Variants in EPHB1 observed in about 807,000 individuals in gnomAD.
The protein encoded by EPHB1 is EPH receptor B1.
A neutral mutation model predicts 94.4 loss-of-function variants in EPHB1; 30 were observed. The observed-to-expected ratio is 0.32, with a 90% CI of 0.24 to 0.43. EPHB1 has a LOEUF of 0.43. Among genes scored for constraint, EPHB1 ranks in the 20% least tolerant of loss-of-function variants. EPHB1 has a pLI of 1.00. For missense variants in EPHB1, 1,055 were observed against 1,308.3 expected (o/e 0.81, Z 2.99); for synonymous variants, 522 against 489.1 (o/e 1.07, Z -0.89).
intron 1 of EPHB1, among the ~76,000 whole-genome samples, chr3:134,916,345 C>A (rs1229997704): frequency 1.3e-5 from 2 of 152,258 alleles, no homozygotes; most frequent in African/African-American, 4.8e-5. Context: ...CAGTCCCGCG[C>A]TGTGTGCCTG....
intron 12 of EPHB1, among the ~76,000 whole-genome samples, chr3:135,226,168 A>G (rs910555885): frequency 1.3e-5 from 2 of 152,192 alleles, no homozygotes; most frequent in Admixed American, 1.3e-4. Flanking sequence ...AGCTTGGCCC[A>G]TGGTCCAGCC....
At chr3:134,850,776 G>A (rs139098854) in intron 1 of EPHB1, among the ~76,000 whole-genome samples, 4 of 152,356 alleles carry the variant, frequency 2.6e-5, no homozygotes, top group East Asian at 1.9e-4. Flanking sequence ...GTCATTACCC[G>A]CTTCACTCTC....
chr3:134,910,448 TGAG>T (rs905956517), intron 1 of EPHB1, among the ~76,000 whole-genome samples: 2 of 152,088 alleles, frequency 1.3e-5, no homozygotes, highest in African/African-American at 4.8e-5. Context: ...GTGAGGCTGG[TGAG>T]GAGGATATTT....
chr3:134,901,900 A>G (rs1432306565), intron 1 of EPHB1, among the ~76,000 whole-genome samples: 1 of 152,228 alleles, frequency 6.6e-6, no homozygotes, highest in Non-Finnish European at 1.5e-5. Flanking sequence ...GGATGTTAAA[A>G]GAGTGGATGT....
chr3:135,099,417 A>G (rs1938947059), intron 3 of EPHB1, among the ~76,000 whole-genome samples: 1 of 152,216 alleles, frequency 6.6e-6, no homozygotes, highest in Admixed American at 6.5e-5. Flanking sequence ...CAGTTTTCTC[A>G]ACACATTGCC....
intron 3 of EPHB1, among the ~76,000 whole-genome samples, chr3:135,088,447 G>T (rs1396137596): frequency 6.6e-6 from 1 of 152,216 alleles, no homozygotes. Context: ...ACATAAAAAT[G>T]AAAGATAATT....
intron 11 of EPHB1, among the ~76,000 whole-genome samples, chr3:135,198,455 T>G (rs546670053): frequency 1.3e-5 from 2 of 152,358 alleles, no homozygotes; most frequent in East Asian, 1.9e-4. Flanking sequence ...CATTTGTGAC[T>G]AATTGAGCCA....
In EPHB1 at chr3:135,077,886, G is replaced by C. The variant is rs1157218864; in HGVS notation, c.806-28562G>C. Among the ~76,000 whole-genome samples the C allele has an allele frequency of 1.3e-5, 2 of 152,164 alleles. 1 individual carries two copies. Among genetic ancestry groups the C allele is most frequent in the East Asian group, 3.8e-4 (2 of 5,198 alleles). On this transcript the variant is annotated intron_variant, in intron 3 of 15. Coordinates refer to ENST00000398015, the MANE Select transcript of EPHB1 (RefSeq NM_004441.5). The stretch of plus-strand genomic sequence containing the variant: ...TACCAGAAGGTTGATCTTTGCCATT[G>C]GTTTAGTTATTTACTTCCATGTATA...
intron 1 of EPHB1, among the ~76,000 whole-genome samples, chr3:134,862,441 A>T (rs982413488): frequency 1.1e-4 from 16 of 151,604 alleles, no homozygotes; most frequent in African/African-American, 1.7e-4. Flanking sequence ...CTGCTTGGTC[A>T]TGGATTTATT....
chr3:135,089,550 G>A lies in EPHB1; in HGVS notation c.806-16898G>A, dbSNP rs146986348. Among the ~76,000 whole-genome samples, 730 of 152,316 alleles carry A rather than the reference G, an allele frequency of 4.8e-3. 5 individuals carry two copies. The highest frequency in any genetic ancestry group is 0.017 in the African/African-American group (705 of 41,560). ...GGTGAAGTGAGACACATCAGGTGCC[G>A]AGGGTAGGAGGGCCTGGCCATGCTT... On this transcript the variant is annotated intron_variant, in intron 3 of 15. Coordinates refer to ENST00000398015, the MANE Select transcript of EPHB1 (RefSeq NM_004441.5).
At chr3:134,966,813 C>A (rs1933766152) in intron 3 of EPHB1, among the ~76,000 whole-genome samples, 1 of 152,250 alleles carries the variant, frequency 6.6e-6, no homozygotes, top group Non-Finnish European at 1.5e-5. Context: ...CCCAGAGCAA[C>A]CCTGATGTAC....
chr3:135,178,369 T>C (rs888429844), intron 9 of EPHB1, among the ~76,000 whole-genome samples: 1 of 147,432 alleles, frequency 6.8e-6, no homozygotes, highest in African/African-American at 2.5e-5. Context: ...GGCAGAAGAA[T>C]CGCTTGAACC....
chr3:135,138,981 A>G (rs1213615921), intron 5 of EPHB1, among the ~76,000 whole-genome samples: 1 of 152,178 alleles, frequency 6.6e-6, no homozygotes, highest in African/African-American at 2.4e-5. Context: ...ATCCTTGGCA[A>G]CCTCGCAGTC....
chr3:135,009,736 TTCTTTTAACC>T (rs778064690), intron 3 of EPHB1, among the ~76,000 whole-genome samples: 2 of 152,262 alleles, frequency 1.3e-5, no homozygotes, highest in African/African-American at 2.4e-5. Flanking sequence ...CCAATTTGCC[TTCTTTTAACC>T]TAGTTTTAAT....
chr3:135,111,644 A>G (rs1478839311), intron 4 of EPHB1, among the ~76,000 whole-genome samples: 2 of 152,090 alleles, frequency 1.3e-5, no homozygotes, highest in Non-Finnish European at 2.9e-5. Flanking sequence ...ACTTCTCAGA[A>G]TAATCCCCAC....
chr3:135,127,761 A>G (rs1367597527), intron 4 of EPHB1, among the ~76,000 whole-genome samples: 1 of 152,188 alleles, frequency 6.6e-6, no homozygotes, highest in Non-Finnish European at 1.5e-5. Context: ...AAATCACATT[A>G]AGAAGCAGGA....
At chr3:135,022,411 A>G (rs1189351602) in intron 3 of EPHB1, among the ~76,000 whole-genome samples, 1 of 152,178 alleles carries the variant, frequency 6.6e-6, no homozygotes, top group East Asian at 1.9e-4. Context: ...ACAGAATTTT[A>G]TATTTTTTAA....
chr3:135,030,712 C>T (rs1355249297), intron 3 of EPHB1, among the ~76,000 whole-genome samples: 1 of 152,240 alleles, frequency 6.6e-6, no homozygotes, highest in African/African-American at 2.4e-5. Context: ...GTGGAGCCTA[C>T]AGAGGCAGGC....
At chr3:134,973,536 A>C (rs1934066347) in intron 3 of EPHB1, among the ~76,000 whole-genome samples, 1 of 146,574 alleles carries the variant, frequency 6.8e-6, no homozygotes, top group African/African-American at 2.5e-5. Context: ...GGTTCAAGCG[A>C]TTCTCCTTCC....
Sources: allele counts gnomAD v4.1 joint callset (sites outside exome capture counted in the v4.1 genomes callset), GRCh38; gene constraint gnomAD v4.1.1; transcripts MANE v1.5; gene names NCBI Gene and HGNC (gene_info 2026-07-23, HGNC 2026-07-21).